ZRANB3: variants seen among roughly 807,000 people sequenced by gnomAD.
ZRANB3 encodes DNA annealing helicase and endonuclease ZRANB3.
Under a neutral mutation model 133.8 loss-of-function variants are expected in ZRANB3, and 125 were observed. That is an observed-to-expected ratio of 0.93 (90% CI 0.81 to 1.08). The LOEUF (loss-of-function observed/expected upper bound fraction) is 1.08. ZRANB3 is among the 50% of genes least tolerant of loss of function. The pLI is 0.00. For synonymous variants in ZRANB3, 387 were observed against 432.7 expected (o/e 0.89, Z 1.31); for missense variants, 1,229 against 1,275.5 (o/e 0.96, Z 0.56).
chr2:135,476,835 G>A (rs1691521795), intron 2 of ZRANB3, among the ~76,000 whole-genome samples: 1 of 151,836 alleles, frequency 6.6e-6, no homozygotes, highest in African/African-American at 2.4e-5. Context: ...TCTCAAGTAG[G>A]TTGGGATTAT....
At chr2:135,291,076 G>A (rs1681688112) in intron 8 of ZRANB3, among the ~76,000 whole-genome samples, 1 of 152,080 alleles carries the variant, frequency 6.6e-6, no homozygotes, top group South Asian at 2.1e-4. Flanking sequence ...TGGCCAGGTT[G>A]CTCTTGAACT....
At chr2:135,363,544 C>A in intron 3 of ZRANB3, among the ~76,000 whole-genome samples, 1 of 152,094 alleles carries the variant, frequency 6.6e-6, no homozygotes, top group Middle Eastern at 3.2e-3. Flanking sequence ...AGATTCTAGT[C>A]ATTTTTTTCC....
At chr2:135,329,339 T>A (rs1386585373) in intron 6 of ZRANB3, among the ~76,000 whole-genome samples, 2 of 152,212 alleles carry the variant, frequency 1.3e-5, no homozygotes, top group East Asian at 3.8e-4. Context: ...TATTTGTTTT[T>A]GTTGGGTTTG....
intron 3 of ZRANB3, among the ~76,000 whole-genome samples, chr2:135,381,931 A>G (rs1686719347): frequency 6.6e-6 from 1 of 152,216 alleles, no homozygotes; most frequent in South Asian, 2.1e-4. Context: ...TAAAAATCAG[A>G]GCGCCTCTCC....
chr2:135,410,301 G>C (rs990395799), intron 2 of ZRANB3, among the ~76,000 whole-genome samples: 6 of 152,038 alleles, frequency 3.9e-5, no homozygotes, highest in Admixed American at 2.6e-4. Context: ...TAGACCAATG[G>C]AACAGGATAG....
intron 6 of ZRANB3, among the ~76,000 whole-genome samples, chr2:135,342,624 T>C (rs1460798312): frequency 6.7e-6 from 1 of 149,352 alleles, no homozygotes; most frequent in Non-Finnish European, 1.5e-5. Context: ...TCTTTTTTTT[T>C]AAGTAAAAAA....
rs150526099 is a variant in ZRANB3 at position 135,498,820 on chromosome 2, C to T, written c.161+5509G>A. Among the ~76,000 whole-genome samples the T allele has an allele frequency of 6.6e-5, 10 of 152,284 alleles. No homozygotes were observed. In the East Asian group the frequency reaches 7.7e-4, roughly 12 times the overall value. Reference sequence around the variant, plus strand: ...TGAAATAAGCCCCAGTCTCCCATAGCGCTCCCAGGCTTATCAGGACGAGGA... The same window carrying T: ...TGAAATAAGCCCCAGTCTCCCATAGTGCTCCCAGGCTTATCAGGACGAGGA... On this transcript the variant is annotated intron_variant, in intron 2 of 20. Transcript: ENST00000264159.
chr2:135,238,091 C>A (rs1695382590), intron 12 of ZRANB3, among the ~76,000 whole-genome samples: 2 of 152,164 alleles, frequency 1.3e-5, no homozygotes, highest in African/African-American at 2.4e-5. Flanking sequence ...ATGTGTGAAT[C>A]TCAGTTTCCT....
At chr2:135,407,442 T>A (rs1226295472) in intron 2 of ZRANB3, among the ~76,000 whole-genome samples, 17 of 151,340 alleles carry the variant, frequency 1.1e-4, no homozygotes, top group Non-Finnish European at 2.4e-4. Context: ...AAGCTACCAA[T>A]GACTTTCTTC....
chr2:135,290,630 T>G (rs1040834068), intron 8 of ZRANB3, among the ~76,000 whole-genome samples: 3 of 152,222 alleles, frequency 2.0e-5, no homozygotes, highest in African/African-American at 7.2e-5. Flanking sequence ...ACTATTCTAT[T>G]AATTGTGCTA....
chr2:135,325,996 G>T (rs1176908046), intron 6 of ZRANB3, among the ~76,000 whole-genome samples: 1 of 151,954 alleles, frequency 6.6e-6, no homozygotes, highest in South Asian at 2.1e-4. Context: ...TTCCACAATG[G>T]AAAAATAAAT....
At chr2:135,301,880 A>G (rs1208641636) in intron 8 of ZRANB3, among the ~76,000 whole-genome samples, 1 of 152,196 alleles carries the variant, frequency 6.6e-6, no homozygotes, top group Non-Finnish European at 1.5e-5. Flanking sequence ...AGAGGAAGAC[A>G]TTCTGTTCAC....
intron 8 of ZRANB3, among the ~76,000 whole-genome samples, chr2:135,280,131 C>T (rs1012554581): frequency 6.6e-6 from 1 of 152,080 alleles, no homozygotes; most frequent in Non-Finnish European, 1.5e-5. Context: ...TTGGTAGTGT[C>T]GGTTCAGGTT....
At chr2:135,488,975 A>G (rs1692253759) in intron 2 of ZRANB3, among the ~76,000 whole-genome samples, 1 of 152,032 alleles carries the variant, frequency 6.6e-6, no homozygotes, top group Non-Finnish European at 1.5e-5. Context: ...GTGTCATATC[A>G]AAAGAAATCA....
intron 2 of ZRANB3, among the ~76,000 whole-genome samples, chr2:135,478,663 A>C (rs544354577): frequency 9.9e-5 from 15 of 152,204 alleles, no homozygotes; most frequent in Non-Finnish European, 2.1e-4. Flanking sequence ...GTAGTGATAA[A>C]TTTGTTCATT....
At chr2:135,394,788 C>A (rs1004975893) in intron 2 of ZRANB3, among the ~76,000 whole-genome samples, 18 of 151,568 alleles carry the variant, frequency 1.2e-4, no homozygotes, top group African/African-American at 2.4e-5. Flanking sequence ...GGGGAAGAAT[C>A]CAGCAAAAGA....
At chr2:135,274,848 A>G (rs1052728899) in intron 9 of ZRANB3, among the ~76,000 whole-genome samples, 3 of 152,210 alleles carry the variant, frequency 2.0e-5, no homozygotes, top group African/African-American at 7.2e-5. Context: ...TGCTGCCTTC[A>G]AGCATCTGTT....
chr2:135,236,950 T>C (rs1240871722), intron 12 of ZRANB3, among the ~76,000 whole-genome samples: 1 of 152,028 alleles, frequency 6.6e-6, no homozygotes, highest in Non-Finnish European at 1.5e-5. Context: ...GGGATCTAAT[T>C]AAACTAAAGA....
chr2:135,228,026 A>C lies in ZRANB3; in HGVS notation c.1955-11T>G. ...TATCTATTTGCATAACTATTAAAAT[A>C]AAAATTATTACAAAAATGTAATAAT... On this transcript the variant is annotated splice_polypyrimidine_tract_variant and intron_variant, in intron 13 of 20. Coordinates refer to ENST00000264159, the MANE Select transcript of ZRANB3 (RefSeq NM_032143.4). The C allele has an allele frequency of 6.7e-7, 1 of 1,496,680 alleles. No homozygotes were observed. Among genetic ancestry groups the C allele is most frequent in the South Asian group, 1.3e-5 (1 of 75,194 alleles). 92.7% of individuals were successfully genotyped at this position (1,496,680 alleles called of 1,614,324 possible). A position where few individuals can be genotyped will look rare whatever the true frequency, so the allele number is the denominator to read the frequency against.
Sources: gnomAD v4.1 joint callset for allele counts (sites outside exome capture counted in the v4.1 genomes callset) on GRCh38, gnomAD v4.1.1 for gene constraint, MANE v1.5 for transcripts, NCBI Gene and HGNC (gene_info 2026-07-23, HGNC 2026-07-21) for gene names.